The following DCAF13 variants were observed in gnomAD, a reference collection of about 807,000 sequenced individuals.
DCAF13 encodes the protein DDB1- and CUL4-associated factor 13.
A neutral mutation model predicts 59.0 loss-of-function variants in DCAF13; 38 were observed. That is an observed-to-expected ratio of 0.64 (90% CI 0.50 to 0.84). DCAF13 has a LOEUF of 0.84. Ranked by LOEUF, DCAF13 falls within the 40% of genes least tolerant of loss-of-function variation. The probability of loss-of-function intolerance (pLI) is 0.00; values close to 1 mark genes in which losing one functional copy is unlikely to be tolerated. For synonymous variants in DCAF13, 173 were observed against 175.0 expected (o/e 0.99, Z 0.09); for missense variants, 469 against 558.4 (o/e 0.84, Z 1.61).
intron 1 of DCAF13, among the ~76,000 whole-genome samples, chr8:103,418,613 T>C (rs932111214): frequency 6.6e-6 from 1 of 150,664 alleles, no homozygotes; most frequent in African/African-American, 2.4e-5. Flanking sequence ...AGATGATGAG[T>C]AGGACTTTGA....
intron 8 of DCAF13, among the ~76,000 whole-genome samples, chr8:103,437,570 C>A (rs1816949019): frequency 6.6e-6 from 1 of 152,022 alleles, no homozygotes; most frequent in Non-Finnish European, 1.5e-5. Flanking sequence ...GTTTTGTAAT[C>A]ACAGTCTTAA....
chr8:103,430,219 T>C (rs888790617), intron 5 of DCAF13: 4 of 153,374 alleles, frequency 2.6e-5, no homozygotes, highest in African/African-American at 9.7e-5. Flanking sequence ...GGTGAAACCC[T>C]GTCTCTTCTA....
At chr8:103,418,796 C>G (rs539464303) in intron 1 of DCAF13, among the ~76,000 whole-genome samples, 1 of 114,956 alleles carries the variant, frequency 8.7e-6, no homozygotes, top group Non-Finnish European at 1.7e-5. Flanking sequence ...TTTAGACATA[C>G]GAGCTTAAAA....
At chr8:103,422,744 C>A (rs771978275) in intron 3 of DCAF13, among the ~76,000 whole-genome samples, 1 of 152,178 alleles carries the variant, frequency 6.6e-6, no homozygotes, top group Non-Finnish European at 1.5e-5. Context: ...TCAAATAGAT[C>A]TTCCTTATTC....
intron 1 of DCAF13, among the ~76,000 whole-genome samples, chr8:103,417,123 T>G (rs1401972756): frequency 6.6e-6 from 1 of 151,288 alleles, no homozygotes; most frequent in Non-Finnish European, 1.5e-5. Context: ...AGTCCCACTC[T>G]TTAAGAGGTT....
At chr8:103,421,801 C>G (rs1816726340) in intron 3 of DCAF13, among the ~76,000 whole-genome samples, 2 of 152,146 alleles carry the variant, frequency 1.3e-5, no homozygotes, top group South Asian at 4.1e-4. Context: ...GTCAGAATTT[C>G]CTTTCTTTTT....
intron 3 of DCAF13, among the ~76,000 whole-genome samples, chr8:103,422,420 T>G (rs1816734059): frequency 6.6e-6 from 1 of 152,036 alleles, no homozygotes; most frequent in South Asian, 2.1e-4. Context: ...TACAAAGATG[T>G]CAAGGAAGTA....
At chr8:103,424,091 T>C (rs2130480345) in intron 3 of DCAF13, among the ~76,000 whole-genome samples, 1 of 152,216 alleles carries the variant, frequency 6.6e-6, no homozygotes, top group Non-Finnish European at 1.5e-5. Context: ...TGATCTCTGC[T>C]CACTGCAAGC....
At position 103,422,998 on chromosome 8, in the gene DCAF13, TA is replaced by T. The variant is rs976984532; in HGVS notation, c.378+1928del. The stretch of plus-strand genomic sequence containing the variant: ...AGTGTTAAAAGATTCGGTTTTGGTG[TA>T]AAAAAAAAAAACTTATTTGCTGTCA... On this transcript the variant is annotated intron_variant, in intron 3 of 10. Coordinates refer to ENST00000612750, the MANE Select transcript of DCAF13 (RefSeq NM_015420.7). 4.5e-3 allele frequency among the ~76,000 whole-genome samples: 641 copies of T among 143,116 alleles called. 8 individuals are homozygous for T. Among genetic ancestry groups the T allele is most frequent in the African/African-American group, 0.016 (584 of 37,028 alleles). 93.9% of individuals were successfully genotyped at this position (143,116 alleles called of 152,430 possible). A position where few individuals can be genotyped will look rare whatever the true frequency, so the allele number is the denominator to read the frequency against.
chr8:103,432,142 T>C (rs1347559561), intron 6 of DCAF13, among the ~76,000 whole-genome samples: 6 of 152,292 alleles, frequency 3.9e-5, no homozygotes, highest in African/African-American at 1.4e-4. Context: ...GGTACAGTTC[T>C]GGGAATGCAA....
At chr8:103,435,590 GA>G in intron 7 of DCAF13, 35 bp from the exon 8 acceptor site, 1 of 1,476,524 alleles carries the variant, frequency 6.8e-7, no homozygotes, top group Non-Finnish European at 9.0e-7. Flanking sequence ...CATCTTTCTA[GA>G]AATATGTGTC....
chr8:103,421,118 A>C (rs1350905333), intron 3 of DCAF13, 36 bp downstream of exon 3: 1 of 1,318,776 alleles, frequency 7.6e-7, no homozygotes, highest in African/African-American at 1.4e-5. Flanking sequence ...AAATTTGATC[A>C]ACATAGGTAA....
intron 3 of DCAF13, among the ~76,000 whole-genome samples, chr8:103,424,328 A>T (rs1368444752): frequency 6.6e-6 from 1 of 152,238 alleles, no homozygotes; most frequent in Non-Finnish European, 1.5e-5. Context: ...TGCCCAACCA[A>T]AAAGATATTT....
chr8:103,421,032 G>A lies in DCAF13; in HGVS notation c.328G>A (p.Gly110Ser), dbSNP rs954159923. Residue 110 changes from glycine (G) to serine (S), a missense_variant, in exon 3 of 11, where the codon GGC (glycine) becomes AGC (serine). Physicochemically the swap from Gly to Ser is moderately conservative, Grantham distance 56. This residue lies in a region of DCAF13 where 355 missense variants were observed against 399.1 expected (regional missense o/e 0.89). Transcript: ENST00000612750. ...NCIRTIQAHEGFVRGICTRFC... is the reference protein window; with the variant it reads ...NCIRTIQAHESFVRGICTRFC... ...TATCCGTACAATACAAGCACATGAAGGCTTTGTACGAGGAATATGTACTCG... is the reference window on the plus strand; with the variant it reads ...TATCCGTACAATACAAGCACATGAAAGCTTTGTACGAGGAATATGTACTCG... 6.2e-7 allele frequency: 1 copy of A among 1,613,778 alleles called. No individual in the cohort carries two copies. The highest frequency in any genetic ancestry group is 8.5e-7 in the Non-Finnish European group (1 of 1,179,844).
chr8:103,432,696 A>C lies in DCAF13; in HGVS notation c.740A>C (p.Asn247Thr), dbSNP rs772398473. The change falls in exon 7 of 11, where the codon AAC (asparagine) becomes ACC (threonine). Residue 247 changes from asparagine to threonine, a missense_variant. Physicochemically the swap from Asn to Thr is moderately conservative, Grantham distance 65. Around this residue, in one of 3 missense-constraint regions of DCAF13, gnomAD observed 355 missense variants for 399.1 expected, o/e 0.89. Coordinates refer to ENST00000612750, the MANE Select transcript of DCAF13 (RefSeq NM_015420.7). ...ATGAGAACAAATACAATCTGTTGGA[A>C]CCCTATGGAAGCTTTCATTTTTACA... Reference protein sequence around the residue: ...LDMRTNTICWNPMEAFIFTAA... With the variant: ...LDMRTNTICWTPMEAFIFTAA... 3 of 1,606,498 alleles carry C rather than the reference A, an allele frequency of 1.9e-6. No individual in the cohort carries two copies. The highest frequency in any genetic ancestry group is 1.7e-6 in the Non-Finnish European group (2 of 1,174,284).
At chr8:103,441,370 A>G (rs1234386177) in intron 9 of DCAF13, 85 bp from the exon 10 acceptor site, 10 of 1,297,766 alleles carry the variant, frequency 7.7e-6, no homozygotes, top group Non-Finnish European at 1.0e-5. Flanking sequence ...AGATTAGGTT[A>G]GGGGGAAAAG....
intron 7 of DCAF13, among the ~76,000 whole-genome samples, chr8:103,434,942 C>T (rs777815512): frequency 6.6e-6 from 1 of 151,996 alleles, no homozygotes; most frequent in Non-Finnish European, 1.5e-5. Flanking sequence ...AGTGATTTGG[C>T]AACTCAAATC....
chr8:103,442,906 G>A lies in DCAF13; in HGVS notation c.*24G>A. The A allele has an allele frequency of 1.4e-6, 2 of 1,479,044 alleles. No homozygotes were observed. The highest frequency in any genetic ancestry group is 1.4e-5 in the African/African-American group (1 of 70,872). 91.6% of individuals were successfully genotyped at this position (1,479,044 alleles called of 1,614,324 possible). On this transcript the variant is annotated 3_prime_UTR_variant, in exon 11 of 11. Coordinates refer to ENST00000612750, the MANE Select transcript of DCAF13 (RefSeq NM_015420.7). ...AATTGGTATTCCTAACAATCCTGAT[G>A]TATAATTATTTGTTACTTTTGATTT...
In DCAF13 at chr8:103,422,611, A is replaced by G. The variant is rs78552259; in HGVS notation, c.378+1529A>G. On this transcript the variant is annotated intron_variant, in intron 3 of 10. Transcript: ENST00000612750. ...TTTTAGAAATGTAGAGATGTAAAAAATAGAAAATTAAAGATTGCATAATTC... is the reference window on the plus strand; with the variant it reads ...TTTTAGAAATGTAGAGATGTAAAAAGTAGAAAATTAAAGATTGCATAATTC... Among the ~76,000 whole-genome samples the G allele has an allele frequency of 7.0e-3, 1,064 of 152,356 alleles. 13 individuals carry two copies. Among genetic ancestry groups the G allele is most frequent in the African/African-American group, 0.024 (1,015 of 41,578 alleles).
Sources: allele counts gnomAD v4.1 joint callset (sites outside exome capture counted in the v4.1 genomes callset), GRCh38; gene constraint gnomAD v4.1.1; regional missense constraint gnomAD v4.1.1; transcripts MANE v1.5; gene names NCBI Gene and HGNC (gene_info 2026-07-23, HGNC 2026-07-21).